Variants in TXNRD3 observed in about 807,000 individuals in gnomAD.
The protein encoded by TXNRD3 is thioredoxin reductase 3.
Under a neutral mutation model 78.2 loss-of-function variants are expected in TXNRD3, and 68 were observed. The observed-to-expected ratio is 0.87, with a 90% CI of 0.72 to 1.06. The LOEUF is 1.06. Among genes scored for constraint, TXNRD3 ranks in the 50% least tolerant of loss-of-function variants. TXNRD3 has a pLI of 0.00. For synonymous variants in TXNRD3, 296 were observed against 300.1 expected, an observed-to-expected ratio of 0.99 and a Z score of 0.14; for missense variants, 751 against 809.5, an observed-to-expected ratio of 0.93 and a Z score of 0.88.
chr3:126,644,803 T>G (rs1227910102), intron 3 of TXNRD3, among the ~76,000 whole-genome samples: 5 of 152,254 alleles, frequency 3.3e-5, no homozygotes, highest in Admixed American at 3.3e-4. Context: ...ACAATTCTTA[T>G]GCATTATCAG....
At chr3:126,629,190 A>T (rs2107618082) in intron 10 of TXNRD3, among the ~76,000 whole-genome samples, 189 bp downstream of exon 10, 1 of 152,294 alleles carries the variant, frequency 6.6e-6, no homozygotes, top group African/African-American at 2.4e-5. Context: ...CACATACTTT[A>T]CCGTGGTATT....
intron 13 of TXNRD3, among the ~76,000 whole-genome samples, chr3:126,611,621 G>C (rs1423717739): frequency 6.6e-6 from 1 of 152,168 alleles, no homozygotes; most frequent in African/African-American, 2.4e-5. Flanking sequence ...TCTGTCCCCA[G>C]GCCCTCATGC....
chr3:126,613,365 A>G (rs1227439281), intron 13 of TXNRD3, among the ~76,000 whole-genome samples: 1 of 152,072 alleles, frequency 6.6e-6, no homozygotes, highest in Non-Finnish European at 1.5e-5. Flanking sequence ...CTCCATCCCC[A>G]TCTTCCCAAT....
intron 6 of TXNRD3, among the ~76,000 whole-genome samples, chr3:126,639,308 C>A (rs138667898): frequency 1.3e-5 from 2 of 152,214 alleles, no homozygotes; most frequent in Admixed American, 1.3e-4. Context: ...CAAACTCCTC[C>A]TGGCTTCTGT....
At chr3:126,644,106 A>G in intron 4 of TXNRD3, 53 bp from the exon 5 acceptor site, 1 of 1,510,510 alleles carries the variant, frequency 6.6e-7, no homozygotes, top group East Asian at 2.5e-5. Context: ...CACTTTCCTG[A>G]CACTCCCTCA....
chr3:126,646,086 G>A (rs1933225534), intron 3 of TXNRD3, 25 bp downstream of exon 3: 2 of 1,465,070 alleles, frequency 1.4e-6, no homozygotes, highest in East Asian at 2.5e-5. Context: ...AAACAGCATT[G>A]AAGAACATAT....
At chr3:126,643,828 G>T (rs748865376) in intron 5 of TXNRD3, among the ~76,000 whole-genome samples, 153 bp downstream of exon 5, 1 of 152,092 alleles carries the variant, frequency 6.6e-6, no homozygotes, top group African/African-American at 2.4e-5. Flanking sequence ...TTTCAGGCAT[G>T]AGCCTCTGGG....
In TXNRD3 at chr3:126,615,352, T is replaced by C. The variant is rs1156821256; in HGVS notation, c.1632+3A>G. 7.2e-7 allele frequency: 1 copy of C among 1,386,520 alleles called. No individual in the cohort carries two copies. Among genetic ancestry groups the C allele is most frequent in the Admixed American group, 2.8e-5 (1 of 35,726 alleles). The allele number at this position is 1,386,520 out of a possible 1,614,324, so 85.9% of individuals were successfully genotyped here. A position where few individuals can be genotyped will look rare whatever the true frequency, so the allele number is the denominator to read the frequency against. ...TTAAGGAAGTAATAAAACACAATCT[T>C]ACTTCTAGATTCTCTTTTTTATATA... On this transcript the variant is annotated splice_donor_region_variant and intron_variant, in intron 13 of 15. Transcript: ENST00000524230.
chr3:126,626,803 T>C (rs899116899), intron 10 of TXNRD3, among the ~76,000 whole-genome samples: 1 of 152,136 alleles, frequency 6.6e-6, no homozygotes, highest in Non-Finnish European at 1.5e-5. Flanking sequence ...AATTAAAATA[T>C]ATGTTGGCTG....
chr3:126,633,268 A>C (rs78870998), intron 7 of TXNRD3, among the ~76,000 whole-genome samples: 6,846 of 152,334 alleles, frequency 0.045, 220 homozygotes, highest in Non-Finnish European at 0.074. Flanking sequence ...GGCAGCTTTA[A>C]ATGGACCATA....
At chr3:126,609,885 G>A (rs1015767814) in intron 14 of TXNRD3, among the ~76,000 whole-genome samples, 1 of 152,134 alleles carries the variant, frequency 6.6e-6, no homozygotes, top group African/African-American at 2.4e-5. Flanking sequence ...GGGTAACAAT[G>A]TGTACAGTCT....
At position 126,629,440 on chromosome 3, in the gene TXNRD3, T is replaced by C. The variant is rs1167320313; in HGVS notation, c.1229A>G (p.Lys410Arg). The change falls in exon 10 of 16, where the codon AAG becomes AGG. Residue 410 changes from lysine (K) to arginine (R), a missense_variant. Physicochemically the swap from Lys to Arg is conservative, Grantham distance 26 (BLOSUM62 2). Coordinates refer to ENST00000524230, the MANE Select transcript of TXNRD3 (RefSeq NM_052883.3). ...AGTGGATTTAGCCAACACTTTCAGC[T>C]TTCCAGGTGAACCTTTCTCCAACTG... The C allele has an allele frequency of 6.5e-7, 1 of 1,535,602 alleles. No individual in the cohort carries two copies. The highest frequency in any genetic ancestry group is 8.7e-7 in the Non-Finnish European group (1 of 1,146,540).
chr3:126,655,093 G>A lies in TXNRD3; in HGVS notation c.-103C>T, dbSNP rs759529713. ...CTGAGGGGCGGCGAACGCTGCCCTC[G>A]CTGGCCACTCTCACCACCCGCGCGA... On this transcript the variant is annotated 5_prime_UTR_variant, in exon 1 of 16. Transcript: ENST00000524230. 8.5e-6 allele frequency: 11 copies of A among 1,301,278 alleles called. No individual in the cohort carries two copies. The East Asian group carries it at 1.0e-4, about 12-fold the overall frequency. 80.6% of individuals were successfully genotyped at this position (1,301,278 alleles called of 1,614,324 possible).
At chr3:126,633,865 T>C (rs1938785875) in intron 7 of TXNRD3, 44 bp downstream of exon 7, 2 of 1,417,592 alleles carry the variant, frequency 1.4e-6, no homozygotes, top group Non-Finnish European at 1.8e-6. Context: ...GTATAAACAA[T>C]TGTAAAGAAA....
chr3:126,621,226 C>T (rs142076705), intron 12 of TXNRD3, among the ~76,000 whole-genome samples: 2 of 152,158 alleles, frequency 1.3e-5, no homozygotes, highest in Non-Finnish European at 2.9e-5. Context: ...TTGGCTTTGT[C>T]GATGATGAAA....
At chr3:126,637,234 T>C (rs1480869854) in intron 6 of TXNRD3, among the ~76,000 whole-genome samples, 1 of 152,238 alleles carries the variant, frequency 6.6e-6, no homozygotes, top group Non-Finnish European at 1.5e-5. Flanking sequence ...CTAATTTTTA[T>C]ACTCAATTTG....
chr3:126,629,816 A>C (rs1479129353), intron 9 of TXNRD3, among the ~76,000 whole-genome samples: 1 of 152,238 alleles, frequency 6.6e-6, no homozygotes, highest in Non-Finnish European at 1.5e-5. Context: ...TTAGGTAAAA[A>C]ATCTAGTTTC....
At chr3:126,617,100 A>G (rs1359208825) in intron 12 of TXNRD3, among the ~76,000 whole-genome samples, 1 of 152,200 alleles carries the variant, frequency 6.6e-6, no homozygotes, top group Non-Finnish European at 1.5e-5. Context: ...ATATCAACTA[A>G]GAAAAATAAA....
chr3:126,630,098 A>G (rs189162631), intron 9 of TXNRD3, among the ~76,000 whole-genome samples: 3 of 152,354 alleles, frequency 2.0e-5, no homozygotes, highest in Admixed American at 6.5e-5. Context: ...AAAACTATAG[A>G]CTGTGGGGCC....
Sources: gnomAD v4.1 joint callset for allele counts (sites outside exome capture counted in the v4.1 genomes callset) on GRCh38, gnomAD v4.1.1 for gene constraint, MANE v1.5 for transcripts, NCBI Gene and HGNC (gene_info 2026-07-23, HGNC 2026-07-21) for gene names.